REM1: variants seen among roughly 807,000 people sequenced by gnomAD.
REM1 encodes RRAD and GEM like GTPase 1.
A neutral mutation model predicts 27.0 loss-of-function variants in REM1; 20 were observed. The observed-to-expected ratio is 0.74, with a 90% CI of 0.52 to 1.08. The LOEUF (loss-of-function observed/expected upper bound fraction) is 1.08, where lower values mean the gene tolerates loss of function less well. Among genes scored for constraint, REM1 ranks in the 50% least tolerant of loss-of-function variants. The probability of loss-of-function intolerance (pLI) is 0.00; values close to 1 mark genes in which losing one functional copy is unlikely to be tolerated. For missense variants in REM1, 405 were observed against 407.0 expected (o/e 1.00, Z 0.04); for synonymous variants, 159 against 167.9 (o/e 0.95, Z 0.41).
At position 31,476,543 on chromosome 20, in the gene REM1, T is replaced by A; in HGVS notation, c.98T>A (p.Leu33Gln). The A allele has an allele frequency of 2.5e-6, 4 of 1,614,138 alleles. No individual in the cohort carries two copies. The highest frequency in any genetic ancestry group is 3.4e-6 in the Non-Finnish European group (4 of 1,179,998). Residue 33 changes from leucine (L) to glutamine (Q), a missense_variant, in exon 2 of 5, where the codon CTG becomes CAG. By Grantham distance (113) the Leu-to-Gln change is moderately radical (BLOSUM62 -2). Transcript: ENST00000201979. Reference sequence around the variant, plus strand: ...CCACGGGGCCACCAGCCTGGCCGCCTGAGCACAGTGCCTTCCACTCAATCC... The same window carrying A: ...CCACGGGGCCACCAGCCTGGCCGCCAGAGCACAGTGCCTTCCACTCAATCC... ...LSPRGHQPGRLSTVPSTQSQH... is the reference protein window; with the variant it reads ...LSPRGHQPGRQSTVPSTQSQH...
chr20:31,484,432 G>GAC lies in REM1; in HGVS notation c.*2_*3insAC. The GAC allele has an allele frequency of 6.7e-7, 1 of 1,482,836 alleles. No individual in the cohort carries two copies. Among genetic ancestry groups the GAC allele is most frequent in the Non-Finnish European group, 9.0e-7 (1 of 1,114,882 alleles). The allele number at this position is 1,482,836 out of a possible 1,614,324, so 91.9% of individuals were successfully genotyped here. A position where few individuals can be genotyped will look rare whatever the true frequency, so the allele number is the denominator to read the frequency against. On this transcript the variant is annotated 3_prime_UTR_variant, in exon 5 of 5. Transcript: ENST00000201979. ...TGCCACAATCTGGCCGTGCTCTGAA[G>GAC]CCCCCCGCCCTTCTGAGAGTTGGCG...
At chr20:31,481,448 C>T (rs1980731105) in intron 3 of REM1, among the ~76,000 whole-genome samples, 1 of 151,954 alleles carries the variant, frequency 6.6e-6, no homozygotes, top group East Asian at 1.9e-4. Flanking sequence ...GAAGCCCTCG[C>T]ACACTCTGCC....
chr20:31,480,224 TAGATAG>T (rs1568762782), intron 3 of REM1, among the ~76,000 whole-genome samples: 7 of 118,990 alleles, frequency 5.9e-5, no homozygotes, highest in African/African-American at 2.7e-4. Context: ...GATAGATAGA[TAGATAG>T]ACAGATACAT....
chr20:31,476,383 G>T lies in REM1; in HGVS notation c.-63G>T. 7.4e-7 allele frequency: 1 copy of T among 1,356,068 alleles called. No individual in the cohort carries two copies. Among genetic ancestry groups the T allele is most frequent in the Non-Finnish European group, 1.0e-6 (1 of 984,926 alleles). 84.0% of individuals were successfully genotyped at this position (1,356,068 alleles called of 1,614,324 possible). A position where few individuals can be genotyped will look rare whatever the true frequency, so the allele number is the denominator to read the frequency against. ...AAGAAGCAGCTCAAAGCAATTGGCT[G>T]ACAGCCAATTCCCCCTTCTTTCAGA... On this transcript the variant is annotated 5_prime_UTR_variant, in exon 2 of 5. Transcript: ENST00000201979.
chr20:31,476,457 C>A lies in REM1; in HGVS notation c.12C>A (p.Asn4Lys). ...CCCCCCTACCAAAGATGACACTCAACACCGAGCAGGAAGCAAAGACCCCTC... is the reference window on the plus strand; with the variant it reads ...CCCCCCTACCAAAGATGACACTCAAAACCGAGCAGGAAGCAAAGACCCCTC... Reference protein sequence around the residue: MTLNTEQEAKTPLH... With the variant: MTLKTEQEAKTPLH... Residue 4 changes from asparagine to lysine, a missense_variant, in exon 2 of 5, where the codon AAC becomes AAA. Asn to Lys is a moderately conservative substitution (Grantham distance 94). Transcript: ENST00000201979. 1.3e-6 allele frequency: 2 copies of A among 1,587,966 alleles called. No homozygotes were observed. The highest frequency in any genetic ancestry group is 1.7e-6 in the Non-Finnish European group (2 of 1,167,110).
intron 3 of REM1, among the ~76,000 whole-genome samples, chr20:31,480,571 C>A (rs1000377779): frequency 1.3e-5 from 2 of 152,250 alleles, no homozygotes; most frequent in Non-Finnish European, 2.9e-5. Context: ...GATCTGCCCA[C>A]CTCAGCCTCC....
At chr20:31,479,438 T>C (rs901928007) in intron 3 of REM1, among the ~76,000 whole-genome samples, 2 of 151,880 alleles carry the variant, frequency 1.3e-5, no homozygotes, top group South Asian at 2.1e-4. Flanking sequence ...GTGATCAGAC[T>C]GGGAGTCCCA....
chr20:31,477,853 G>A lies in REM1; in HGVS notation c.366G>A (p.Thr122=), dbSNP rs768808379. The A allele has an allele frequency of 6.8e-6, 11 of 1,613,172 alleles. No homozygotes were observed. Among genetic ancestry groups the A allele is most frequent in the Non-Finnish European group, 7.6e-6 (9 of 1,179,804 alleles). ...AAGATGTATATGAGAGGACCCTCAC[G>A]GTGGATGGAGAAGACACCACACTGG... ...LGEDVYERTL[T]VDGEDTTLVV... is the part of the protein sequence containing the mutation. Residue 122 remains threonine, a synonymous_variant, in exon 3 of 5, where the codon ACG becomes ACA. Coordinates refer to ENST00000201979, the MANE Select transcript of REM1 (RefSeq NM_014012.6).
chr20:31,477,986 G>C, intron 3 of REM1, 76 bp downstream of exon 3: 1 of 905,270 alleles, frequency 1.1e-6, no homozygotes, highest in Admixed American at 2.0e-5. Context: ...CCCTCCTGGG[G>C]ACACTACAGA....
At chr20:31,477,316 G>A (rs574726006) in intron 2 of REM1, among the ~76,000 whole-genome samples, 4 of 152,258 alleles carry the variant, frequency 2.6e-5, no homozygotes, top group African/African-American at 9.6e-5. Flanking sequence ...GGATGATGGG[G>A]TACAGGGAAG....
chr20:31,481,037 C>A lies in REM1; in HGVS notation c.424-1250C>A, dbSNP rs1033582318. 2.6e-5 allele frequency among the ~76,000 whole-genome samples: 4 copies of A among 152,130 alleles called. No homozygotes were observed. In the East Asian group the frequency reaches 7.7e-4, roughly 29 times the overall value. On this transcript the variant is annotated intron_variant, in intron 3 of 4. Transcript: ENST00000201979. Reference sequence around the variant, plus strand: ...CCTGTAATCCCAGCACTTTGGGAGGCCGAGGTGGGTGGATCACCTGAGGTC... The same window carrying A: ...CCTGTAATCCCAGCACTTTGGGAGGACGAGGTGGGTGGATCACCTGAGGTC...
At chr20:31,477,732 G>C in intron 2 of REM1, 96 bp from the exon 3 acceptor site, 1 of 840,980 alleles carries the variant, frequency 1.2e-6, no homozygotes, top group East Asian at 2.6e-5. Flanking sequence ...AGGACAAGTG[G>C]AGGGGGCGAT....
intron 4 of REM1, among the ~76,000 whole-genome samples, chr20:31,483,942 C>G (rs1307045947): frequency 6.6e-6 from 1 of 152,156 alleles, no homozygotes; most frequent in African/African-American, 2.4e-5. Flanking sequence ...GCAAATTAGA[C>G]CCTTTACCTG....
intron 2 of REM1, among the ~76,000 whole-genome samples, chr20:31,477,466 TGAG>T (rs1178394705): frequency 6.6e-6 from 1 of 152,024 alleles, no homozygotes; most frequent in Non-Finnish European, 1.5e-5. Context: ...TCTCTCCGAG[TGAG>T]AACACATATG....
At position 31,480,525 on chromosome 20, in the gene REM1, G is replaced by A. The variant is rs1053552803; in HGVS notation, c.424-1762G>A. On this transcript the variant is annotated intron_variant, in intron 3 of 4. Coordinates refer to ENST00000201979, the MANE Select transcript of REM1 (RefSeq NM_014012.6). ...TTTAGTAGAGACAGGGTTTCACCACGTTAGCCAGGCTGGTCTCGAACTCCT... is the reference window on the plus strand; with the variant it reads ...TTTAGTAGAGACAGGGTTTCACCACATTAGCCAGGCTGGTCTCGAACTCCT... Among the ~76,000 whole-genome samples, 11 of 151,952 alleles carry A rather than the reference G, an allele frequency of 7.2e-5. No individual in the cohort carries two copies. The East Asian group carries it at 7.7e-4, about 11-fold the overall frequency.
In REM1 at chr20:31,477,861, G is replaced by A. The variant is rs145039590; in HGVS notation, c.374G>A (p.Gly125Glu). Residue 125 changes from glycine to glutamate, a missense_variant, in exon 3 of 5, where the codon GGA becomes GAA. By Grantham distance (98) the Gly-to-Glu change is moderately conservative. Coordinates refer to ENST00000201979, the MANE Select transcript of REM1 (RefSeq NM_014012.6). ...TATGAGAGGACCCTCACGGTGGATG[G>A]AGAAGACACCACACTGGTGGTCGTG... ...DVYERTLTVDGEDTTLVVVDT... is the reference protein window; with the variant it reads ...DVYERTLTVDEEDTTLVVVDT... 6 of 1,613,254 alleles carry A rather than the reference G, an allele frequency of 3.7e-6. No homozygotes were observed. The highest frequency in any genetic ancestry group is 5.1e-6 in the Non-Finnish European group (6 of 1,179,820).
intron 3 of REM1, among the ~76,000 whole-genome samples, chr20:31,480,436 G>A (rs1980693311): frequency 6.6e-6 from 1 of 151,944 alleles, no homozygotes; most frequent in African/African-American, 2.4e-5. Context: ...CTATTCTTCT[G>A]CCTCAGCCTC....
rs1295791922 is a variant in REM1, at chr20:31,484,614, A to G, written c.*184A>G. On this transcript the variant is annotated 3_prime_UTR_variant, in exon 5 of 5. Coordinates refer to ENST00000201979, the MANE Select transcript of REM1 (RefSeq NM_014012.6). ...GGGATCCCGGGAAAGCGATGGACAG[A>G]CAGACGATGGGGCCGAAGCCCCAAG... The G allele has an allele frequency of 6.7e-6, 5 of 748,256 alleles. No homozygotes were observed. The highest frequency in any genetic ancestry group is 1.9e-5 in the African/African-American group (1 of 53,508). The allele number at this position is 748,256 out of a possible 1,614,324, so 46.4% of individuals were successfully genotyped here.
At position 31,475,925 on chromosome 20, in the gene REM1, C is replaced by G. The variant is rs1338747836; in HGVS notation, c.-219-302C>G. 6.6e-6 allele frequency among the ~76,000 whole-genome samples: 1 copy of G among 152,184 alleles called. No individual in the cohort carries two copies. The highest frequency in any genetic ancestry group is 6.5e-5 in the Admixed American group (1 of 15,282). ...GCATCGAAAGTTAAGTAGCCCCTAC[C>G]CTTGGGGGAGACCTGAAACTGCACT... On this transcript the variant is annotated intron_variant, in intron 1 of 4. Coordinates refer to ENST00000201979, the MANE Select transcript of REM1 (RefSeq NM_014012.6). The surrounding 1 kb of genome is among the most constrained non-coding windows in gnomAD (Gnocchi z 5.0).
Sources: gnomAD v4.1 joint callset for allele counts (sites outside exome capture counted in the v4.1 genomes callset) on GRCh38, gnomAD v4.1.1 for gene constraint, Gnocchi (gnomAD v3.1) non-coding constraint, MANE v1.5 for transcripts, NCBI Gene and HGNC (gene_info 2026-07-23, HGNC 2026-07-21) for gene names.